PDE4D: variants seen among roughly 807,000 people sequenced by gnomAD.
The protein encoded by PDE4D is 3',5'-cyclic-AMP phosphodiesterase 4D.
PDE4D carries 24 observed loss-of-function variants against 87.4 expected under a neutral mutation model. That is an observed-to-expected ratio of 0.27 (90% CI 0.20 to 0.39). The LOEUF (loss-of-function observed/expected upper bound fraction) is 0.39. Ranked by LOEUF, PDE4D falls within the 10% of genes least tolerant of loss-of-function variation. PDE4D has a pLI of 1.00. For missense variants in PDE4D, 714 were observed against 1,041.0 expected (o/e 0.69, Z 4.32); for synonymous variants, 384 against 383.2 (o/e 1.00, Z -0.02).
intron 1 of PDE4D, among the ~76,000 whole-genome samples, chr5:59,495,317 A>T (rs1203154112): frequency 6.6e-6 from 1 of 152,128 alleles, no homozygotes; most frequent in South Asian, 2.1e-4. Context: ...CAAGTCCATC[A>T]TATCTACTTA....
At chr5:59,714,734 A>G (rs1246717467) in intron 1 of PDE4D, among the ~76,000 whole-genome samples, 1 of 152,240 alleles carries the variant, frequency 6.6e-6, no homozygotes, top group Admixed American at 6.5e-5. Context: ...GCAGGGATAT[A>G]TGCATAGCCC....
chr5:60,088,694 C>T (rs183422405), intron 2 of PDE4D, among the ~76,000 whole-genome samples: 2 of 151,480 alleles, frequency 1.3e-5, no homozygotes, highest in East Asian at 3.9e-4. Flanking sequence ...TCAACATGTC[C>T]TAATAGAGAA....
intron 1 of PDE4D, among the ~76,000 whole-genome samples, chr5:60,429,224 A>G (rs971596038): frequency 1.3e-5 from 2 of 152,114 alleles, no homozygotes; most frequent in Non-Finnish European, 2.9e-5. Context: ...CTTTCACTTC[A>G]CTGGTTAGCT....
At chr5:59,438,945 T>C (rs1307956255) in intron 1 of PDE4D, among the ~76,000 whole-genome samples, 1 of 152,222 alleles carries the variant, frequency 6.6e-6, no homozygotes, top group Non-Finnish European at 1.5e-5. Flanking sequence ...ACAAAAGTTG[T>C]CTCCTTGTAT....
At chr5:59,812,734 C>T (rs1231880068) in intron 1 of PDE4D, among the ~76,000 whole-genome samples, 1 of 151,934 alleles carries the variant, frequency 6.6e-6, no homozygotes, top group Non-Finnish European at 1.5e-5. Context: ...AAAACTAAAT[C>T]CAGTTTATAA....
intron 1 of PDE4D, among the ~76,000 whole-genome samples, chr5:59,319,465 C>T (rs1774333832): frequency 6.6e-6 from 1 of 152,088 alleles, no homozygotes; most frequent in Non-Finnish European, 1.5e-5. Flanking sequence ...AGGAAACAGA[C>T]ATTTGCTCAC....
Position 60,085,254 on chromosome 5 carries a change from G to A in PDE4D, c.43-96537C>T, listed in dbSNP as rs561021063. On this transcript the variant is annotated intron_variant, in intron 2 of 16. Transcript: ENST00000502484. Reference sequence around the variant, plus strand: ...CAGATGCTGGGTAGTTTGGGTAAGGGAGGGAATATAGGGAATAGGGAATAT... The same window carrying A: ...CAGATGCTGGGTAGTTTGGGTAAGGAAGGGAATATAGGGAATAGGGAATAT... 1.1e-4 allele frequency among the ~76,000 whole-genome samples: 16 copies of A among 152,248 alleles called. No individual in the cohort carries two copies. The East Asian group carries it at 3.1e-3, about 29-fold the overall frequency.
rs933405311 is a variant in PDE4D, at chr5:60,179,735, T to C, written c.42+5822A>G. 5.3e-5 allele frequency among the ~76,000 whole-genome samples: 8 copies of C among 152,266 alleles called. No homozygotes were observed. In the South Asian group the frequency reaches 1.5e-3, roughly 28 times the overall value. Reference sequence around the variant, plus strand: ...AATGTAAACACACTAATAATTTTAATTGAAGTCAATTTTTTAGTTTTCAAA... The same window carrying C: ...AATGTAAACACACTAATAATTTTAACTGAAGTCAATTTTTTAGTTTTCAAA... On this transcript the variant is annotated intron_variant, in intron 2 of 16. Coordinates refer to the PDE4D transcript ENST00000502484.
intron 5 of PDE4D, among the ~76,000 whole-genome samples, chr5:59,106,306 AT>A (rs1415572095): frequency 6.6e-6 from 1 of 152,228 alleles, no homozygotes; most frequent in Non-Finnish European, 1.5e-5. Context: ...TTTAAGACTA[AT>A]TGATAGAGAG....
At position 59,164,032 on chromosome 5, in the gene PDE4D, G is replaced by T. The variant is rs541353775; in HGVS notation, c.808+16563C>A. On this transcript the variant is annotated intron_variant, in intron 5 of 14. Coordinates refer to ENST00000340635, the MANE Select transcript of PDE4D (RefSeq NM_001104631.2). ...TTTCAAAATCAAATATCTTCCTAAGGAATCTGATTTGTGGCAGATGGAGAA... is the reference window on the plus strand; with the variant it reads ...TTTCAAAATCAAATATCTTCCTAAGTAATCTGATTTGTGGCAGATGGAGAA... Among the ~76,000 whole-genome samples, 4 of 152,306 alleles carry T rather than the reference G, an allele frequency of 2.6e-5. No individual in the cohort carries two copies. In the East Asian group the frequency reaches 7.7e-4, roughly 29 times the overall value.
At chr5:59,128,519 A>T (rs1775827979) in intron 5 of PDE4D, among the ~76,000 whole-genome samples, 1 of 152,120 alleles carries the variant, frequency 6.6e-6, no homozygotes, top group South Asian at 2.1e-4. Flanking sequence ...AACTTTCTCC[A>T]TTTACAGTGG....
intron 1 of PDE4D, among the ~76,000 whole-genome samples, chr5:59,684,589 A>G (rs866210510): frequency 1.3e-5 from 2 of 152,180 alleles, no homozygotes; most frequent in Non-Finnish European, 2.9e-5. Flanking sequence ...AATAGAAAAT[A>G]AGAAACAGAA....
chr5:60,139,744 A>C (rs1035417680), intron 2 of PDE4D, among the ~76,000 whole-genome samples: 1 of 152,068 alleles, frequency 6.6e-6, no homozygotes, highest in African/African-American at 2.4e-5. Context: ...AAGAAGAAAA[A>C]TTACCAACAA....
At chr5:60,015,843 C>T (rs921422629) in intron 2 of PDE4D, among the ~76,000 whole-genome samples, 1 of 151,844 alleles carries the variant, frequency 6.6e-6, no homozygotes, top group African/African-American at 2.4e-5. Flanking sequence ...CTGGACCATC[C>T]TGCACGTTTT....
At chr5:59,642,045 T>C (rs1427617332) in intron 1 of PDE4D, among the ~76,000 whole-genome samples, 4 of 152,066 alleles carry the variant, frequency 2.6e-5, no homozygotes, top group Admixed American at 6.6e-5. Flanking sequence ...CAGAGGCCAT[T>C]TAAATGGTAA....
intron 4 of PDE4D, among the ~76,000 whole-genome samples, chr5:59,181,542 T>TATATATATATATA (rs1561646068): frequency 1.7e-5 from 1 of 59,420 alleles, no homozygotes; most frequent in Non-Finnish European, 3.5e-5. Flanking sequence ...CAAAGATGTC[T>TATATATATATATA]GATATATATA....
chr5:59,790,037 A>G (rs1215532638), intron 1 of PDE4D, among the ~76,000 whole-genome samples: 1 of 152,186 alleles, frequency 6.6e-6, no homozygotes, highest in Non-Finnish European at 1.5e-5. Context: ...AACTGACACC[A>G]TTCCTGTCTA....
intron 5 of PDE4D, among the ~76,000 whole-genome samples, chr5:59,054,061 C>T (rs1761991347): frequency 6.6e-6 from 1 of 152,088 alleles, no homozygotes; most frequent in Non-Finnish European, 1.5e-5. Context: ...TTAGGTGCTA[C>T]ATGCTAATTT....
At chr5:59,824,281 A>G (rs895748249) in intron 1 of PDE4D, among the ~76,000 whole-genome samples, 5 of 152,188 alleles carry the variant, frequency 3.3e-5, no homozygotes, top group African/African-American at 1.2e-4. Flanking sequence ...TTGAAATCCA[A>G]TGTGAACGTC....
Sources: gnomAD v4.1 joint callset for allele counts (sites outside exome capture counted in the v4.1 genomes callset) on GRCh38, gnomAD v4.1.1 for gene constraint, MANE v1.5 for transcripts, NCBI Gene and HGNC (gene_info 2026-07-23, HGNC 2026-07-21) for gene names.